PIK3C2G: variants seen among roughly 807,000 people sequenced by gnomAD.
The protein encoded by PIK3C2G is phosphatidylinositol 3-kinase C2 domain-containing subunit gamma.
In PIK3C2G, 168 loss-of-function variants were observed where a neutral mutation model predicts 181.1. The ratio of observed to expected loss-of-function variants is 0.93; its 90% CI spans 0.82 to 1.05. PIK3C2G has a LOEUF of 1.05. Ranked by LOEUF, PIK3C2G falls within the 50% of genes least tolerant of loss-of-function variation. The pLI, the probability that PIK3C2G is intolerant of heterozygous loss-of-function variation, is 0.00. For synonymous variants in PIK3C2G, 573 were observed against 592.2 expected (o/e 0.97, Z 0.47); for missense variants, 1,869 against 1,732.8 (o/e 1.08, Z -1.40).
chr12:18,281,535 A>G (rs1054862209), intron 1 of PIK3C2G, among the ~76,000 whole-genome samples: 2 of 151,872 alleles, frequency 1.3e-5, no homozygotes, highest in South Asian at 4.1e-4. Context: ...GGGGAAAAAA[A>G]GTTTAGCTAA....
At chr12:18,606,972 AT>A (rs1337579188) in intron 30 of PIK3C2G, among the ~76,000 whole-genome samples, 1 of 152,164 alleles carries the variant, frequency 6.6e-6, no homozygotes, top group African/African-American at 2.4e-5. Flanking sequence ...TAAATGTTTA[AT>A]GTGCACATTA....
intron 1 of PIK3C2G, among the ~76,000 whole-genome samples, chr12:18,252,714 A>G (rs1186927924): frequency 6.6e-6 from 1 of 152,162 alleles, no homozygotes; most frequent in African/African-American, 2.4e-5. Context: ...AGAAACATAT[A>G]CATTTCTTTT....
At chr12:18,363,169 A>G (rs527871861) in intron 12 of PIK3C2G, 32 of 192,834 alleles carry the variant, frequency 1.7e-4, no homozygotes, top group Middle Eastern at 2.0e-3. Context: ...CACACTGTGC[A>G]TATCAGGAAT....
rs374875067 is a variant in PIK3C2G, at chr12:18,378,502, C to A, written c.1881-3264C>A. Among the ~76,000 whole-genome samples, 4 of 152,164 alleles carry A rather than the reference C, an allele frequency of 2.6e-5. No individual in the cohort carries two copies. In the East Asian group the frequency reaches 5.8e-4, roughly 22 times the overall value. On this transcript the variant is annotated intron_variant, in intron 13 of 32. Coordinates refer to ENST00000538779, the MANE Select transcript of PIK3C2G (RefSeq NM_001288772.2). ...ACACCAAAAGCAATGGCAACAAAAG[C>A]CAAAATTGACAAATGGGATCTAATT...
At chr12:18,448,272 C>A (rs796640684) in intron 18 of PIK3C2G, among the ~76,000 whole-genome samples, 3 of 151,968 alleles carry the variant, frequency 2.0e-5, no homozygotes, top group African/African-American at 7.2e-5. Flanking sequence ...ACCTATAATT[C>A]ATTTCTGTTT....
At chr12:18,683,344 T>G in the PIK3C2G span, 4 of 1,607,786 alleles carry the variant, frequency 2.5e-6, no homozygotes, top group Non-Finnish European at 3.4e-6. Context: ...GAATTATATC[T>G]AATTAGACCA....
intron 1 of PIK3C2G, among the ~76,000 whole-genome samples, chr12:18,264,459 G>A (rs964044530): frequency 3.3e-5 from 5 of 152,078 alleles, no homozygotes; most frequent in African/African-American, 1.2e-4. Context: ...ATGTCCTAGA[G>A]ATAAACAGGT....
At chr12:18,643,941 G>C (rs1012774324) in intron 32 of PIK3C2G, among the ~76,000 whole-genome samples, 4 of 152,236 alleles carry the variant, frequency 2.6e-5, no homozygotes, top group Non-Finnish European at 5.9e-5. Flanking sequence ...AAATCTCTCA[G>C]AGGAGTACAA....
At chr12:18,322,422 T>C (rs896319374) in intron 7 of PIK3C2G, among the ~76,000 whole-genome samples, 11 of 151,216 alleles carry the variant, frequency 7.3e-5, no homozygotes, top group African/African-American at 1.2e-4. Flanking sequence ...AATAATAAAA[T>C]AAAATTAAGT....
intron 26 of PIK3C2G, among the ~76,000 whole-genome samples, chr12:18,546,887 G>A (rs1944459019): frequency 6.6e-6 from 1 of 151,952 alleles, no homozygotes; most frequent in African/African-American, 2.4e-5. Flanking sequence ...AACAAGTCCA[G>A]CAAAACACTG....
At chr12:18,616,136 G>A (rs1230602365) in intron 31 of PIK3C2G, among the ~76,000 whole-genome samples, 1 of 152,004 alleles carries the variant, frequency 6.6e-6, no homozygotes, top group Non-Finnish European at 1.5e-5. Context: ...CCTGCTCCTA[G>A]TGACCTTTCT....
chr12:18,449,983 G>T (rs748539152), intron 18 of PIK3C2G, among the ~76,000 whole-genome samples: 1 of 152,236 alleles, frequency 6.6e-6, no homozygotes, highest in South Asian at 2.1e-4. Context: ...ATTCTGACTG[G>T]CATGAGATGG....
chr12:18,457,246 G>A (rs1947678914), intron 18 of PIK3C2G, among the ~76,000 whole-genome samples: 1 of 152,142 alleles, frequency 6.6e-6, no homozygotes, highest in Admixed American at 6.5e-5. Flanking sequence ...TGTTCGCAGA[G>A]AATAGTTAAG....
intron 19 of PIK3C2G, among the ~76,000 whole-genome samples, chr12:18,491,139 C>T (rs1162810806): frequency 6.6e-6 from 1 of 152,166 alleles, no homozygotes; most frequent in Non-Finnish European, 1.5e-5. Flanking sequence ...GGCGGCCACG[C>T]AGGTCAAGTC....
intron 24 of PIK3C2G, among the ~76,000 whole-genome samples, chr12:18,537,892 C>T (rs1246780078): frequency 6.6e-6 from 1 of 151,876 alleles, no homozygotes; most frequent in Non-Finnish European, 1.5e-5. Context: ...ATATTCCCCT[C>T]CAAATGTAAT....
the PIK3C2G span, among the ~76,000 whole-genome samples, chr12:18,710,019 A>G: frequency 2.6e-5 from 4 of 151,750 alleles, no homozygotes; most frequent in African/African-American, 9.7e-5. Context: ...CTGCAACTTT[A>G]CTGAATTCAT....
chr12:18,559,280 C>G (rs1041703103), intron 26 of PIK3C2G, among the ~76,000 whole-genome samples: 1 of 152,136 alleles, frequency 6.6e-6, no homozygotes, highest in Non-Finnish European at 1.5e-5. Flanking sequence ...AATCCAAAAG[C>G]TTGGACAACA....
upstream of PIK3C2G, among the ~76,000 whole-genome samples, chr12:18,258,584 C>A (rs180828857): frequency 2.0e-5 from 3 of 150,374 alleles, no homozygotes; most frequent in East Asian, 5.9e-4. Flanking sequence ...CCCTCCGGAT[C>A]ATCCATGTTG....
Position 18,594,569 on chromosome 12 carries a change from G to A in PIK3C2G, c.4087G>A (p.Gly1363Ser). 6.7e-7 allele frequency: 1 copy of A among 1,488,054 alleles called. No individual in the cohort carries two copies. Among genetic ancestry groups the A allele is most frequent in the South Asian group, 1.4e-5 (1 of 72,752 alleles). 92.2% of individuals were successfully genotyped at this position (1,488,054 alleles called of 1,614,324 possible). Residue 1363 changes from glycine (G) to serine (S), a missense_variant and splice_region_variant, in exon 30 of 33, where the codon GGT (glycine) becomes AGT (serine). Physicochemically the swap from Gly to Ser is moderately conservative, Grantham distance 56. Coordinates refer to ENST00000538779, the MANE Select transcript of PIK3C2G (RefSeq NM_001288772.2). Reference protein sequence around the residue: ...TVEESSPVYLGEKFPDKKPKV... With the variant: ...TVEESSPVYLSEKFPDKKPKV... ...TGAAGAATCATCACCTGTGTACCTA[G>A]GTAAGTAAATTTGTCATTATATTAC...
Sources: gnomAD v4.1 joint callset for allele counts (sites outside exome capture counted in the v4.1 genomes callset) on GRCh38, gnomAD v4.1.1 for gene constraint, MANE v1.5 for transcripts, NCBI Gene and HGNC (gene_info 2026-07-23, HGNC 2026-07-21) for gene names.